The following ARRDC5 variants were observed in gnomAD, a reference collection of about 807,000 sequenced individuals.
ARRDC5 encodes arrestin domain-containing protein 5.
In ARRDC5, 12 loss-of-function variants were observed where a neutral mutation model predicts 13.3. That is an observed-to-expected ratio of 0.90 (90% confidence interval 0.58 to 1.46). The LOEUF (loss-of-function observed/expected upper bound fraction) is 1.46, where lower values mean the gene tolerates loss of function less well. ARRDC5 is among the 40% of genes most tolerant of loss of function. The pLI is 0.00. For missense variants in ARRDC5, 406 were observed against 418.7 expected (o/e 0.97, Z 0.26); for synonymous variants, 181 against 173.4 (o/e 1.04, Z -0.34).
intron 2 of ARRDC5, among the ~76,000 whole-genome samples, chr19:4,892,097 AT>A (rs1266880068): frequency 1.3e-5 from 2 of 151,406 alleles, no homozygotes; most frequent in Admixed American, 1.3e-4. Context: ...TGTTTTTTGT[AT>A]TTTTTTGGAG....
chr19:4,907,801 CTCCTGGGTTCAAGCGAT>C (rs564679037), upstream of ARRDC5, among the ~76,000 whole-genome samples: 1 of 148,562 alleles, frequency 6.7e-6, no homozygotes, highest in Non-Finnish European at 1.5e-5. Flanking sequence ...CAACCTCTGC[CTCCTGGGTTCAAGCGAT>C]TCTCCTGCCT....
chr19:4,913,828 T>C, the ARRDC5 span, among the ~76,000 whole-genome samples: 1 of 125,190 alleles, frequency 8.0e-6, no homozygotes, highest in African/African-American at 3.7e-5. Context: ...TTTTTTTTTT[T>C]TGGAGACAGT....
the ARRDC5 span, among the ~76,000 whole-genome samples, chr19:4,912,909 A>G: frequency 3.7e-4 from 56 of 152,108 alleles, no homozygotes; most frequent in African/African-American, 1.3e-3. Context: ...ATAGGCATGC[A>G]CCACCATGCC....
chr19:4,896,264 G>A (rs763097004), intron 2 of ARRDC5, among the ~76,000 whole-genome samples: 18 of 83,658 alleles, frequency 2.2e-4, no homozygotes, highest in Non-Finnish European at 4.0e-4. Context: ...ACAGTGAGCC[G>A]AGATCATGCC....
chr19:4,903,657 T>C (rs1172677334), upstream of ARRDC5: 1 of 151,704 alleles, frequency 6.6e-6, no homozygotes, highest in East Asian at 2.0e-4. Context: ...CAAGTGCCAC[T>C]GCAACTAGCT....
the ARRDC5 span, among the ~76,000 whole-genome samples, chr19:4,915,031 C>T: frequency 1.3e-5 from 2 of 152,252 alleles, no homozygotes; most frequent in Non-Finnish European, 2.9e-5. Context: ...CCTCCACCCA[C>T]TCCATGCCAG....
intron 2 of ARRDC5, among the ~76,000 whole-genome samples, chr19:4,893,246 C>A (rs1273795231): frequency 1.4e-5 from 2 of 143,268 alleles, no homozygotes; most frequent in Non-Finnish European, 3.0e-5. Flanking sequence ...TGGCTCACAC[C>A]TGTAATCCCA....
chr19:4,891,093 G>C lies in ARRDC5; in HGVS notation c.940C>G (p.Leu314Val). The part of the protein sequence containing the change: ...SASVDSAICQ[L>V]SEDGVLPVNP... The stretch of plus-strand genomic sequence containing the variant: ...ACGGGTAACACTCCGTCCTCTGACA[G>C]CTGGCAGATGGCAGAGTCCACTGAG... Residue 314 changes from leucine to valine, a missense_variant, in exon 3 of 3, where the codon CTG becomes GTG. Physicochemically the swap from Leu to Val is conservative, Grantham distance 32. Transcript: ENST00000650722. 6.2e-7 allele frequency: 1 copy of C among 1,613,856 alleles called. No individual in the cohort carries two copies. The highest frequency in any genetic ancestry group is 1.1e-5 in the South Asian group (1 of 91,066).
chr19:4,909,962 CA>C, the ARRDC5 span, among the ~76,000 whole-genome samples: 2 of 150,582 alleles, frequency 1.3e-5, no homozygotes, highest in Admixed American at 1.3e-4. Context: ...CCCCGCGATT[CA>C]ATTGTCGCGC....
At chr19:4,900,176 C>T (rs76086413) in intron 1 of ARRDC5, among the ~76,000 whole-genome samples, 10,989 of 112,776 alleles carry the variant, frequency 0.097, 550 homozygotes, top group Middle Eastern at 0.3. Context: ...GAGACGGAGT[C>T]TCGCTTTGTT....
upstream of ARRDC5, among the ~76,000 whole-genome samples, chr19:4,904,767 TAA>T (rs937141575): frequency 3.9e-5 from 6 of 152,194 alleles, no homozygotes; most frequent in African/African-American, 1.4e-4. Context: ...GTGGAATCAA[TAA>T]AAGTTTGTTG....
chr19:4,896,356 TTTTTTACAC>T (rs1568395969), intron 2 of ARRDC5, among the ~76,000 whole-genome samples: 4 of 98,436 alleles, frequency 4.1e-5, no homozygotes, highest in African/African-American at 1.8e-4. Context: ...ATATTTTTTT[TTTTTTACAC>T]ACACACACAC....
At chr19:4,898,458 T>C (rs1156878234) in intron 1 of ARRDC5, among the ~76,000 whole-genome samples, 1 of 151,858 alleles carries the variant, frequency 6.6e-6, no homozygotes, top group Non-Finnish European at 1.5e-5. Context: ...GCCTCCTAGG[T>C]TCAAGCAATT....
At chr19:4,908,974 C>T in the ARRDC5 span, among the ~76,000 whole-genome samples, 1 of 152,058 alleles carries the variant, frequency 6.6e-6, no homozygotes, top group African/African-American at 2.4e-5. Context: ...GAAAACGAGG[C>T]GGGAAAAGAC....
intron 2 of ARRDC5, among the ~76,000 whole-genome samples, chr19:4,895,432 AAAAAAAAAAAAAAAAG>A (rs1222638385): frequency 6.6e-6 from 1 of 150,726 alleles, no homozygotes; most frequent in Non-Finnish European, 1.5e-5. Flanking sequence ...CAAAAAAAAA[AAAAAAAAAAAAAAAAG>A]AAAGAAAGAA....
intron 1 of ARRDC5, among the ~76,000 whole-genome samples, chr19:4,901,748 A>C (rs77298069): frequency 0.013 from 1,994 of 152,216 alleles, 14 homozygotes; most frequent in Non-Finnish European, 0.022. Context: ...TATCCCCACA[A>C]ACACATTTTG....
intron 2 of ARRDC5, 76 bp from the exon 3 acceptor site, chr19:4,891,649 G>A: frequency 7.3e-7 from 1 of 1,365,916 alleles, no homozygotes; most frequent in Non-Finnish European, 1.0e-6. Context: ...GATCCACCCT[G>A]GGAACTCCTC....
At chr19:4,902,516 AT>A in intron 1 of ARRDC5, 56 bp downstream of exon 1, 1 of 1,554,388 alleles carries the variant, frequency 6.4e-7, no homozygotes, top group Non-Finnish European at 8.8e-7. Flanking sequence ...GGATGTGTTT[AT>A]TTTCCAGACC....
rs768794405 is a variant in ARRDC5, at chr19:4,896,825, G to A, written c.305C>T (p.Pro102Leu). 6.2e-7 allele frequency: 1 copy of A among 1,613,844 alleles called. No individual in the cohort carries two copies. Among genetic ancestry groups the A allele is most frequent in the Non-Finnish European group, 8.5e-7 (1 of 1,179,848 alleles). Residue 102 changes from proline to leucine, a missense_variant, in exon 2 of 3, where the codon CCT becomes CTT. Pro to Leu is a moderately conservative substitution (Grantham distance 98). Transcript: ENST00000650722. Reference protein sequence around the residue: ...SHTFDFHFNLPPRLPSTFTSK... With the variant: ...SHTFDFHFNLLPRLPSTFTSK... ...GGTGAAGGTAGAAGGAAGCCTGGGA[G>A]GTAAGTTGAAATGGAAGTCAAAGGT...
Sources: gnomAD v4.1 joint callset for allele counts (sites outside exome capture counted in the v4.1 genomes callset) on GRCh38, gnomAD v4.1.1 for gene constraint, MANE v1.5 for transcripts, NCBI Gene and HGNC (gene_info 2026-07-23, HGNC 2026-07-21) for gene names.